Variants in LOC728392 observed in about 807,000 individuals in gnomAD.
At chr17:5,500,403 C>T in the LOC728392 span, 14,603 of 1,103,068 alleles carry the variant, frequency 0.013, 906 homozygotes, top group East Asian at 0.14. This position sits in a 1 kb window ranked among gnomAD's most constrained non-coding sequence, Gnocchi z 5.4. Context: ...AACAGCACCC[C>T]TATTTCATTG....
At chr17:5,500,733 G>T in the LOC728392 span, 1 of 1,240,004 alleles carries the variant, frequency 8.1e-7, no homozygotes, top group Non-Finnish European at 1.0e-6. The surrounding 1 kb of genome is among the most constrained non-coding windows in gnomAD (Gnocchi z 5.4). Flanking sequence ...CTCCTTCTTG[G>T]GCGGGGGGCG....
chr17:5,500,748 G>C, the LOC728392 span: 4 of 1,236,082 alleles, frequency 3.2e-6, no homozygotes, highest in Non-Finnish European at 4.2e-6. This position sits in a 1 kb window ranked among gnomAD's most constrained non-coding sequence, Gnocchi z 5.4. Context: ...GGGGCGCGAT[G>C]CGGCCTTCGG....
chr17:5,500,577 C>A, the LOC728392 span: 1 of 1,243,158 alleles, frequency 8.0e-7, no homozygotes, highest in Non-Finnish European at 1.0e-6. This position sits in a 1 kb window ranked among gnomAD's most constrained non-coding sequence, Gnocchi z 5.4. Flanking sequence ...CCTGCGCCCA[C>A]CCCGTCCCGC....
the LOC728392 span, chr17:5,500,063 G>T: frequency 2.0e-6 from 2 of 986,038 alleles, no homozygotes. The surrounding 1 kb of genome is among the most constrained non-coding windows in gnomAD (Gnocchi z 5.4). Flanking sequence ...CCTGCTGCGC[G>T]CTCTTGTCCT....
chr17:5,500,139 T>TCC, the LOC728392 span: 1 of 987,024 alleles, frequency 1.0e-6, no homozygotes, highest in Non-Finnish European at 1.2e-6. The surrounding 1 kb of genome is among the most constrained non-coding windows in gnomAD (Gnocchi z 5.4). Context: ...ATCACAGGGC[T>TCC]CCGGCCCACC....
At chr17:5,500,906 G>A in the LOC728392 span, 4 of 1,261,580 alleles carry the variant, frequency 3.2e-6, no homozygotes, top group Non-Finnish European at 4.1e-6. This position sits in a 1 kb window ranked among gnomAD's most constrained non-coding sequence, Gnocchi z 5.4. Flanking sequence ...CGGGGTCCGG[G>A]CGAATCTGCT....
chr17:5,500,714 T>C, the LOC728392 span: 5 of 1,249,278 alleles, frequency 4.0e-6, no homozygotes, highest in Non-Finnish European at 4.1e-6. The surrounding 1 kb of genome is among the most constrained non-coding windows in gnomAD (Gnocchi z 5.4). Flanking sequence ...CCTCGTCCAG[T>C]GGAGGCGCCT....
At chr17:5,500,042 C>T in the LOC728392 span, 1 of 986,182 alleles carries the variant, frequency 1.0e-6, no homozygotes, top group Non-Finnish European at 1.2e-6. This position sits in a 1 kb window ranked among gnomAD's most constrained non-coding sequence, Gnocchi z 5.4. Context: ...GAGTCCCGCC[C>T]TCCAGCTTCG....
the LOC728392 span, chr17:5,499,837 CG>C: frequency 1.0e-6 from 1 of 985,880 alleles, no homozygotes; most frequent in Admixed American, 6.1e-5. Flanking sequence ...TGCGTGCCGG[CG>C]GGGTCTGCAG....
At chr17:5,499,622 G>A in the LOC728392 span, 1 of 312,612 alleles carries the variant, frequency 3.2e-6, no homozygotes, top group East Asian at 1.7e-4. Flanking sequence ...GTCTTAAGAT[G>A]ACAAATCCCT....
chr17:5,500,934 C>A, the LOC728392 span: 2 of 1,255,876 alleles, frequency 1.6e-6, no homozygotes, highest in African/African-American at 1.6e-5. The surrounding 1 kb of genome is among the most constrained non-coding windows in gnomAD (Gnocchi z 5.4). Context: ...CCAGGGTCTG[C>A]GCCGAAAGAG....
the LOC728392 span, chr17:5,500,789 C>T: frequency 1.4e-5 from 16 of 1,160,714 alleles, no homozygotes; most frequent in Non-Finnish European, 1.7e-5. This position sits in a 1 kb window ranked among gnomAD's most constrained non-coding sequence, Gnocchi z 5.4. Flanking sequence ...CCTGCGCCCT[C>T]CCGCCCGCGC....
the LOC728392 span, chr17:5,500,154 G>C: frequency 1.0e-6 from 1 of 986,622 alleles, no homozygotes; most frequent in Non-Finnish European, 1.2e-6. This position sits in a 1 kb window ranked among gnomAD's most constrained non-coding sequence, Gnocchi z 5.4. Context: ...CCCACCCCGG[G>C]CCAGGGCGCC....
chr17:5,500,552 C>G, the LOC728392 span: 1 of 1,210,074 alleles, frequency 8.3e-7, no homozygotes, highest in Non-Finnish European at 1.0e-6. The surrounding 1 kb of genome is among the most constrained non-coding windows in gnomAD (Gnocchi z 5.4). Flanking sequence ...TTTTCCCTTT[C>G]CCTCCCCGCT....
the LOC728392 span, chr17:5,499,805 A>T: frequency 1.0e-6 from 1 of 986,006 alleles, no homozygotes; most frequent in Non-Finnish European, 1.2e-6. Context: ...TCTCATCCTC[A>T]GGAGTGCGCC....
At chr17:5,499,800 TC>T in the LOC728392 span, 1 of 985,938 alleles carries the variant, frequency 1.0e-6, no homozygotes, top group Non-Finnish European at 1.2e-6. Flanking sequence ...CAGAGTCTCA[TC>T]CTCAGGAGTG....
chr17:5,500,854 G>A, the LOC728392 span: 2 of 1,232,240 alleles, frequency 1.6e-6, no homozygotes, highest in African/African-American at 3.3e-5. This position sits in a 1 kb window ranked among gnomAD's most constrained non-coding sequence, Gnocchi z 5.4. Flanking sequence ...CGGGCAGCGG[G>A]AGGGTCTTCC....
the LOC728392 span, chr17:5,500,460 A>G: frequency 2.6e-6 from 3 of 1,147,006 alleles, no homozygotes; most frequent in Admixed American, 5.6e-5. This position sits in a 1 kb window ranked among gnomAD's most constrained non-coding sequence, Gnocchi z 5.4. Flanking sequence ...AGATAGTGAC[A>G]ACAAAGACGG....
At chr17:5,499,592 C>G in the LOC728392 span, 1 of 182,822 alleles carries the variant, frequency 5.5e-6, no homozygotes, top group Non-Finnish European at 1.0e-5. Flanking sequence ...CAAGGTGGTT[C>G]CTGGTATTAA....
Sources: allele counts gnomAD v4.1 joint callset, GRCh38; gene constraint gnomAD v4.1.1; non-coding constraint Gnocchi (gnomAD v3.1); transcripts MANE v1.5.